The following NDST1 variants were observed in gnomAD, a reference collection of about 807,000 sequenced individuals.
The protein encoded by NDST1 is bifunctional heparan sulfate N-deacetylase/N-sulfotransferase 1.
NDST1 carries 35 observed loss-of-function variants against 92.8 expected under a neutral mutation model. The observed-to-expected ratio is 0.38, with a 90% confidence interval of 0.29 to 0.50. The LOEUF (loss-of-function observed/expected upper bound fraction) is 0.50, where lower values mean the gene tolerates loss of function less well. Among genes scored for constraint, NDST1 ranks in the 20% least tolerant of loss-of-function variants. The pLI, the probability that NDST1 is intolerant of heterozygous loss-of-function variation, is 0.94. For missense variants in NDST1, 822 were observed against 1,182.7 expected (o/e 0.69, Z 4.47); for synonymous variants, 493 against 500.3 (o/e 0.99, Z 0.19).
At chr5:150,527,649 T>C (rs776379670) in intron 2 of NDST1, among the ~76,000 whole-genome samples, 155 bp from the exon 3 acceptor site, 17 of 152,196 alleles carry the variant, frequency 1.1e-4, no homozygotes, top group South Asian at 4.1e-4. Context: ...GAGTATATTA[T>C]TGTGCAGGGT....
At chr5:150,542,695 C>T (rs116248755) in intron 9 of NDST1, among the ~76,000 whole-genome samples, 153 bp from the exon 10 acceptor site, 2,697 of 152,308 alleles carry the variant, frequency 0.018, 83 homozygotes, top group African/African-American at 0.061. Flanking sequence ...TTAGTAATTC[C>T]TTCATTGCAC....
intron 14 of NDST1, 148 bp downstream of exon 14, chr5:150,552,003 T>G: frequency 7.4e-7 from 1 of 1,344,550 alleles, no homozygotes; most frequent in Non-Finnish European, 1.0e-6. Flanking sequence ...AGGAGGAAAA[T>G]GGGGGCTGGG....
intron 1 of NDST1, among the ~76,000 whole-genome samples, chr5:150,512,122 C>T (rs1018966711): frequency 6.6e-6 from 1 of 152,160 alleles, no homozygotes; most frequent in Non-Finnish European, 1.5e-5. Flanking sequence ...TCACATCCTT[C>T]TGAGGTTGCT....
Position 150,539,208 on chromosome 5 carries a change from C to G in NDST1, c.1438-20C>G. Reference sequence around the variant, plus strand: ...CATGCCAGAAGGCACCATAGCTCCTCTCCCCCACCCCCTCCTCAGGTTCTC... The same window carrying G: ...CATGCCAGAAGGCACCATAGCTCCTGTCCCCCACCCCCTCCTCAGGTTCTC... On this transcript the variant is annotated intron_variant, in intron 6 of 14. Coordinates refer to ENST00000261797, the MANE Select transcript of NDST1 (RefSeq NM_001543.5). 1.2e-6 allele frequency: 2 copies of G among 1,603,232 alleles called. No homozygotes were observed. The highest frequency in any genetic ancestry group is 1.7e-6 in the Non-Finnish European group (2 of 1,170,174).
intron 1 of NDST1, among the ~76,000 whole-genome samples, chr5:150,517,449 A>G (rs1040776329): frequency 6.6e-6 from 1 of 152,070 alleles, no homozygotes; most frequent in African/African-American, 2.4e-5. Context: ...CCAGAGTGGT[A>G]AATTTGTTGC....
chr5:150,511,617 T>C (rs1753724784), intron 1 of NDST1, among the ~76,000 whole-genome samples: 1 of 152,018 alleles, frequency 6.6e-6, no homozygotes, highest in Non-Finnish European at 1.5e-5. Context: ...CTGTGCTCTC[T>C]GTGGCCCTGC....
intron 3 of NDST1, 51 bp from the exon 4 acceptor site, chr5:150,532,894 G>T: frequency 6.5e-7 from 1 of 1,530,112 alleles, no homozygotes. Flanking sequence ...GGGAAAAGCA[G>T]GGAGCTCCTG....
At chr5:150,539,647 C>G (rs1755155268) in intron 7 of NDST1, 1 of 985,222 alleles carries the variant, frequency 1.0e-6, no homozygotes, top group Non-Finnish European at 1.2e-6. Context: ...CACACATACA[C>G]AGATACACAC....
At chr5:150,530,317 C>T (rs374395593) in intron 3 of NDST1, among the ~76,000 whole-genome samples, 36 of 152,308 alleles carry the variant, frequency 2.4e-4, no homozygotes, top group African/African-American at 8.4e-4. Context: ...TCTAAGTCTT[C>T]ATGCAGTGCC....
At chr5:150,549,860 G>C (rs1162737133) in intron 13 of NDST1, 73 bp downstream of exon 13, 1 of 871,016 alleles carries the variant, frequency 1.1e-6, no homozygotes, top group East Asian at 2.5e-5. Flanking sequence ...CCAAAGTCTT[G>C]AATAATTATG....
At chr5:150,516,639 G>A (rs1422329682) in intron 1 of NDST1, among the ~76,000 whole-genome samples, 1 of 152,138 alleles carries the variant, frequency 6.6e-6, no homozygotes, top group Non-Finnish European at 1.5e-5. Context: ...ATGGGTGGCA[G>A]GGAGGCTCTG....
chr5:150,504,493 A>G (rs1030298603), upstream of NDST1, among the ~76,000 whole-genome samples: 1 of 152,020 alleles, frequency 6.6e-6, no homozygotes, highest in East Asian at 1.9e-4. Context: ...TTTGTCCTCC[A>G]TTATCGTAAT....
chr5:150,504,743 A>G (rs1753374241), upstream of NDST1, among the ~76,000 whole-genome samples: 1 of 152,226 alleles, frequency 6.6e-6, no homozygotes, highest in South Asian at 2.1e-4. Flanking sequence ...AACAGTAGCA[A>G]TACTTAGTTG....
chr5:150,540,613 C>G (rs1755203402), intron 8 of NDST1, among the ~76,000 whole-genome samples: 1 of 152,112 alleles, frequency 6.6e-6, no homozygotes, highest in African/African-American at 2.4e-5. Context: ...CCCAGGAGTT[C>G]AAGATCAGCC....
intron 1 of NDST1, among the ~76,000 whole-genome samples, chr5:150,511,052 A>G (rs1411237885): frequency 6.6e-6 from 1 of 152,194 alleles, no homozygotes; most frequent in Non-Finnish European, 1.5e-5. Flanking sequence ...CCCCCTTATT[A>G]GCTCTGTGGG....
rs149376885 is a variant in NDST1, at chr5:150,524,487, C to T, written c.513+2720C>T. Among the ~76,000 whole-genome samples the T allele has an allele frequency of 4.3e-3, 654 of 152,334 alleles. 1 individual carries two copies. Among genetic ancestry groups the T allele is most frequent in the Non-Finnish European group, 5.9e-3 (400 of 68,028 alleles). On this transcript the variant is annotated intron_variant, in intron 2 of 14. Coordinates refer to ENST00000261797, the MANE Select transcript of NDST1 (RefSeq NM_001543.5). ...CCAGGTGACCTGGGGCTAAACACAC[C>T]CTGGCAGGGGTCTGGCAAGGAGTAC... is the stretch of plus-strand genomic sequence containing the variant.
rs1755811266 is a variant in NDST1 at position 150,553,700 on chromosome 5, A to G, written c.*368A>G. The G allele has an allele frequency of 2.4e-6, 1 of 411,452 alleles. No homozygotes were observed. Among genetic ancestry groups the G allele is most frequent in the Non-Finnish European group, 4.6e-6 (1 of 216,694 alleles). 25.5% of individuals were successfully genotyped at this position (411,452 alleles called of 1,614,324 possible). On this transcript the variant is annotated 3_prime_UTR_variant, in exon 15 of 15. Transcript: ENST00000261797. This position sits in a 1 kb window ranked among gnomAD's most constrained non-coding sequence, Gnocchi z 4.2. ...TCCCTGCTTCCGCAGGGCGCCCCTC[A>G]GTATTCGCTGCCATATGTCCCTGTC... is the stretch of plus-strand genomic sequence containing the variant.
chr5:150,541,604 G>T lies in NDST1; in HGVS notation c.1784G>T (p.Trp595Leu), dbSNP rs1195353917. The T allele has an allele frequency of 6.2e-7, 1 of 1,614,170 alleles. No individual in the cohort carries two copies. Among genetic ancestry groups the T allele is most frequent in the Admixed American group, 1.7e-5 (1 of 60,016 alleles). Residue 595 changes from tryptophan (W) to leucine (L), a missense_variant, in exon 9 of 15, where the codon TGG (tryptophan) becomes TTG (leucine). Trp to Leu is a moderately conservative substitution (Grantham distance 61). Transcript: ENST00000261797. ...PCEDKRHKDI[W>L]SKEKTCDRFP... is the part of the protein sequence containing the mutation. ...GAGGACAAACGTCACAAAGACATCT[G>T]GTCCAAGGAGAAGACGTGTGACCGC... is the stretch of plus-strand genomic sequence containing the variant.
In NDST1 at chr5:150,551,836, A is replaced by G. The variant is rs1755739917; in HGVS notation, c.2510A>G (p.Tyr837Cys). The change falls in exon 14 of 15, where the codon TAT (tyrosine) becomes TGT (cysteine). Residue 837 changes from tyrosine (Y) to cysteine (C), a missense_variant. Tyr to Cys is a radical substitution (Grantham distance 194). Transcript: ENST00000261797. ...KCLGKSKGRK[Y>C]PEMDLDSRAF... ...CTGGGCAAAAGCAAGGGCCGGAAAT[A>G]TCCCGAGATGGACTTGGATGTAAGT... 3 of 1,613,506 alleles carry G rather than the reference A, an allele frequency of 1.9e-6. No individual in the cohort carries two copies. Among genetic ancestry groups the G allele is most frequent in the Non-Finnish European group, 2.5e-6 (3 of 1,179,486 alleles).
Sources: allele counts gnomAD v4.1 joint callset (sites outside exome capture counted in the v4.1 genomes callset), GRCh38; gene constraint gnomAD v4.1.1; non-coding constraint Gnocchi (gnomAD v3.1); transcripts MANE v1.5; gene names NCBI Gene and HGNC (gene_info 2026-07-23, HGNC 2026-07-21).